Variants in SEMA5B observed in about 807,000 individuals in gnomAD.
The protein encoded by SEMA5B is semaphorin-5B.
SEMA5B carries 66 observed loss-of-function variants against 135.0 expected under a neutral mutation model. That is an observed-to-expected ratio of 0.49 (90% CI 0.40 to 0.60). The LOEUF (loss-of-function observed/expected upper bound fraction) is 0.60. Ranked by LOEUF, SEMA5B falls within the 20% of genes least tolerant of loss-of-function variation. The probability of loss-of-function intolerance (pLI) is 0.00; values close to 1 mark genes in which losing one functional copy is unlikely to be tolerated. For missense variants in SEMA5B, 1,501 were observed against 1,566.3 expected (o/e 0.96, Z 0.70); for synonymous variants, 690 against 639.5 (o/e 1.08, Z -1.19).
chr3:122,956,323 A>G (rs1940301931), intron 2 of SEMA5B, among the ~76,000 whole-genome samples: 2 of 152,168 alleles, frequency 1.3e-5, no homozygotes, highest in African/African-American at 4.8e-5. Flanking sequence ...ATGCACGCGC[A>G]TGTGTGTGAG....
intron 1 of SEMA5B, among the ~76,000 whole-genome samples, chr3:123,007,970 C>A (rs1398304272): frequency 1.3e-5 from 2 of 152,166 alleles, no homozygotes; most frequent in African/African-American, 4.8e-5. Flanking sequence ...ATGTATAAGC[C>A]ACTGTCAAAG....
intron 1 of SEMA5B, among the ~76,000 whole-genome samples, chr3:122,962,403 C>T (rs1051210986): frequency 3.3e-5 from 5 of 152,108 alleles, no homozygotes; most frequent in African/African-American, 7.2e-5. Context: ...CATGCAGGCC[C>T]GGCGGGTGGT....
intron 1 of SEMA5B, among the ~76,000 whole-genome samples, chr3:122,971,035 A>G (rs1941092595): frequency 6.6e-6 from 1 of 152,164 alleles, no homozygotes; most frequent in African/African-American, 2.4e-5. Flanking sequence ...GGGAATGATC[A>G]ATAAAGACCT....
intron 1 of SEMA5B, among the ~76,000 whole-genome samples, chr3:123,026,265 A>G (rs771009646): frequency 1.4e-4 from 22 of 152,214 alleles, no homozygotes; most frequent in Admixed American, 5.9e-4. Flanking sequence ...GAAGGAGTGC[A>G]TGCCAGGGTA....
intron 2 of SEMA5B, among the ~76,000 whole-genome samples, chr3:122,950,796 G>A (rs944611709): frequency 1.3e-5 from 2 of 152,212 alleles, no homozygotes; most frequent in African/African-American, 4.8e-5. Flanking sequence ...ATTGTTCATT[G>A]TGCCATCCTT....
chr3:122,923,386 A>G lies in SEMA5B; in HGVS notation c.1272+231T>C, dbSNP rs974200620. Among the ~76,000 whole-genome samples, 8 of 152,316 alleles carry G rather than the reference A, an allele frequency of 5.3e-5. No individual in the cohort carries two copies. The East Asian group carries it at 1.5e-3, about 29-fold the overall frequency. On this transcript the variant is annotated intron_variant, in intron 10 of 22. Transcript: ENST00000357599. ...TGCCTCCCTGGAGGTGTGGGCTCAC[A>G]TTTAGAGATGGCTCGGAGCATGCTT...
intron 5 of SEMA5B, among the ~76,000 whole-genome samples, chr3:122,938,307 G>T (rs1006273544): frequency 7.9e-5 from 12 of 152,194 alleles, no homozygotes; most frequent in Admixed American, 6.5e-4. Context: ...TAAAGGTATG[G>T]ATAGAAGGAC....
intron 1 of SEMA5B, among the ~76,000 whole-genome samples, chr3:122,980,261 G>C (rs565826501): frequency 6.6e-6 from 1 of 152,106 alleles, no homozygotes; most frequent in African/African-American, 2.4e-5. Flanking sequence ...GGGAGTTCGC[G>C]ACCAGCCTGA....
chr3:122,940,088 C>T (rs1254193230), intron 4 of SEMA5B, among the ~76,000 whole-genome samples: 1 of 152,166 alleles, frequency 6.6e-6, no homozygotes, highest in Non-Finnish European at 1.5e-5. Flanking sequence ...CCAAACGACC[C>T]CATCCACCAC....
intron 5 of SEMA5B, among the ~76,000 whole-genome samples, chr3:122,936,153 ACAGAGTG>A (rs1332192667): frequency 6.6e-6 from 1 of 152,176 alleles, no homozygotes; most frequent in African/African-American, 2.4e-5. Context: ...AATCTGGAAC[ACAGAGTG>A]CTTTAAACAA....
chr3:122,973,528 G>A (rs1213889606), intron 1 of SEMA5B, among the ~76,000 whole-genome samples: 1 of 152,228 alleles, frequency 6.6e-6, no homozygotes, highest in African/African-American at 2.4e-5. Context: ...GACCAGAAGG[G>A]AATAAAGAAC....
chr3:123,003,915 G>A (rs548968433), intron 1 of SEMA5B, among the ~76,000 whole-genome samples: 26 of 152,260 alleles, frequency 1.7e-4, no homozygotes, highest in East Asian at 7.7e-4. Flanking sequence ...AACAATCAGG[G>A]CAGCCTTCCT....
intron 1 of SEMA5B, among the ~76,000 whole-genome samples, chr3:122,977,970 G>C (rs1368689134): frequency 3.3e-5 from 5 of 152,242 alleles, no homozygotes; most frequent in Non-Finnish European, 7.3e-5. Context: ...GGGCAGCAAG[G>C]CATCTGAGCC....
At chr3:123,018,160 T>C (rs1942603235) in intron 1 of SEMA5B, among the ~76,000 whole-genome samples, 1 of 152,238 alleles carries the variant, frequency 6.6e-6, no homozygotes, top group African/African-American at 2.4e-5. Flanking sequence ...GATGACCATC[T>C]GTTCCCAGGG....
chr3:122,990,521 G>A (rs1490624116), intron 1 of SEMA5B, among the ~76,000 whole-genome samples: 1 of 151,486 alleles, frequency 6.6e-6, no homozygotes, highest in African/African-American at 2.4e-5. Flanking sequence ...GGAGACAAGG[G>A]CACTCATGAG....
At chr3:122,919,741 C>A (rs553792566) in intron 12 of SEMA5B, among the ~76,000 whole-genome samples, 2 of 152,164 alleles carry the variant, frequency 1.3e-5, no homozygotes, top group Non-Finnish European at 2.9e-5. Flanking sequence ...TGTGACCTTG[C>A]GTTTCATACT....
At position 122,922,227 on chromosome 3, in the gene SEMA5B, C is replaced by T. The variant is rs1004251451; in HGVS notation, c.1480+13G>A. On this transcript the variant is annotated intron_variant, in intron 11 of 22. Transcript: ENST00000357599. The stretch of plus-strand genomic sequence containing the variant: ...CCCCGACCTGCAGTCCAGGTTGGAC[C>T]GGGCCGGCTCACCGGTGCCAATGTA... 6.2e-7 allele frequency: 1 copy of T among 1,604,746 alleles called. No individual in the cohort carries two copies. Among genetic ancestry groups the T allele is most frequent in the African/African-American group, 1.3e-5 (1 of 74,768 alleles).
At chr3:122,998,255 T>G (rs987897417) in intron 1 of SEMA5B, among the ~76,000 whole-genome samples, 6 of 152,054 alleles carry the variant, frequency 3.9e-5, no homozygotes, top group African/African-American at 1.4e-4. Context: ...AAGACCCACT[T>G]CACTCTGGGG....
chr3:122,931,007 C>T (rs1389799062), intron 5 of SEMA5B, among the ~76,000 whole-genome samples: 1 of 149,394 alleles, frequency 6.7e-6, no homozygotes, highest in Non-Finnish European at 1.5e-5. Flanking sequence ...ATAGAGAGAA[C>T]AGCACAGAAT....
Sources: gnomAD v4.1 joint callset for allele counts (sites outside exome capture counted in the v4.1 genomes callset) on GRCh38, gnomAD v4.1.1 for gene constraint, MANE v1.5 for transcripts, NCBI Gene and HGNC (gene_info 2026-07-23, HGNC 2026-07-21) for gene names.